ENOX1: variants seen among roughly 807,000 people sequenced by gnomAD.
ENOX1 encodes candidate growth-related and time keeping constitutive hydroquinone (NADH) oxidase.
In ENOX1, 42 loss-of-function variants were observed where a neutral mutation model predicts 82.5. The ratio of observed to expected loss-of-function variants is 0.51; its 90% CI spans 0.40 to 0.66. The LOEUF (loss-of-function observed/expected upper bound fraction) is 0.66, where lower values mean the gene tolerates loss of function less well. ENOX1 is among the 30% of genes least tolerant of loss of function. The pLI, the probability that ENOX1 is intolerant of heterozygous loss-of-function variation, is 0.00. For missense variants in ENOX1, 608 were observed against 811.6 expected (o/e 0.75, Z 3.05); for synonymous variants, 271 against 282.2 (o/e 0.96, Z 0.40).
intron 14 of ENOX1, among the ~76,000 whole-genome samples, chr13:43,261,443 C>T (rs1246906575): frequency 6.6e-6 from 1 of 152,178 alleles, no homozygotes; most frequent in South Asian, 2.1e-4. Flanking sequence ...ATATGAGATG[C>T]AACCAAGATT....
intron 15 of ENOX1, among the ~76,000 whole-genome samples, chr13:43,224,969 G>T (rs1296846116): frequency 1.3e-5 from 2 of 152,318 alleles, no homozygotes; most frequent in Non-Finnish European, 2.9e-5. Context: ...ACTGCTTTTT[G>T]TTAAGAAGTT....
intron 11 of ENOX1, among the ~76,000 whole-genome samples, chr13:43,312,328 G>C (rs756340058): frequency 1.3e-5 from 2 of 152,198 alleles, no homozygotes; most frequent in African/African-American, 4.8e-5. Flanking sequence ...CTCGGGAATA[G>C]AGAAACAGGG....
intron 3 of ENOX1, among the ~76,000 whole-genome samples, chr13:43,432,594 G>A (rs952075531): frequency 2.6e-5 from 4 of 152,156 alleles, no homozygotes; most frequent in Non-Finnish European, 4.4e-5. Flanking sequence ...AGTGAGCTGA[G>A]ATTGTACCAC....
In ENOX1 at chr13:43,566,622, G is replaced by C. The variant is rs187874367; in HGVS notation, c.-218-82470C>G. Among the ~76,000 whole-genome samples the C allele has an allele frequency of 1.2e-3, 184 of 151,316 alleles. 2 individuals carry two copies. In the South Asian group the frequency reaches 0.016, roughly 13 times the overall value. On this transcript the variant is annotated intron_variant, in intron 2 of 16. Transcript: ENST00000690772. ...ATACAGAAGGAACACTGGTTATTTG[G>C]GAGATAATTATTTCTGAAAAAAATA...
chr13:43,491,092 C>A (rs560942006), intron 2 of ENOX1, among the ~76,000 whole-genome samples: 1 of 152,114 alleles, frequency 6.6e-6, no homozygotes, highest in Admixed American at 6.5e-5. Context: ...CTGCTTCTGG[C>A]GCATCCTCAA....
chr13:43,325,786 G>A (rs1252164723), intron 10 of ENOX1, among the ~76,000 whole-genome samples: 1 of 152,064 alleles, frequency 6.6e-6, no homozygotes, highest in African/African-American at 2.4e-5. Context: ...ACAGCTGGAC[G>A]ACCAGTGACT....
chr13:43,521,211 TAATTA>T (rs913984097), intron 2 of ENOX1, among the ~76,000 whole-genome samples: 1 of 152,088 alleles, frequency 6.6e-6, no homozygotes, highest in Admixed American at 6.6e-5. Context: ...AGTAAGAGAA[TAATTA>T]AATTTTATAT....
chr13:43,667,219 T>G (rs2085025484), intron 2 of ENOX1, among the ~76,000 whole-genome samples: 1 of 152,166 alleles, frequency 6.6e-6, no homozygotes, highest in Non-Finnish European at 1.5e-5. Context: ...ATGAAAACTC[T>G]ATAGAAGTTG....
intron 3 of ENOX1, among the ~76,000 whole-genome samples, chr13:43,453,091 T>C (rs2057051929): frequency 6.6e-6 from 1 of 152,220 alleles, no homozygotes; most frequent in Admixed American, 6.5e-5. Flanking sequence ...ACTTCCTTTT[T>C]TATTTTCCTG....
chr13:43,475,794 C>CAAAAAAAAAAAAAAAAAAAAAAAAAA (rs10624980), intron 3 of ENOX1, among the ~76,000 whole-genome samples: 1 of 70,944 alleles, frequency 1.4e-5, no homozygotes, highest in Non-Finnish European at 2.5e-5. Context: ...CATAACTGAC[C>CAAAAAAAAAAAAAAAAAAAAAAAAAA]AAAAAAAAAA....
At chr13:43,659,248 G>C (rs547163245) in intron 2 of ENOX1, among the ~76,000 whole-genome samples, 2 of 151,996 alleles carry the variant, frequency 1.3e-5, no homozygotes, top group Non-Finnish European at 2.9e-5. Context: ...CAGCATTTTG[G>C]GGGGCAGAGG....
chr13:43,745,364 T>C (rs1044633431), intron 1 of ENOX1, among the ~76,000 whole-genome samples: 2 of 152,002 alleles, frequency 1.3e-5, no homozygotes, highest in African/African-American at 2.4e-5. Flanking sequence ...TATAAAATGA[T>C]TAAAACATAA....
At chr13:43,359,181 G>A (rs1164188325) in intron 7 of ENOX1, among the ~76,000 whole-genome samples, 3 of 152,178 alleles carry the variant, frequency 2.0e-5, no homozygotes, top group African/African-American at 7.2e-5. Context: ...GGTGGGGAGT[G>A]TGAGGGAAGG....
intron 2 of ENOX1, among the ~76,000 whole-genome samples, chr13:43,589,977 A>G (rs2081170926): frequency 6.6e-6 from 1 of 152,168 alleles, no homozygotes; most frequent in African/African-American, 2.4e-5. Context: ...TGAGCTCACA[A>G]GCAAACATTA....
At chr13:43,694,300 C>T (rs952311936) in intron 1 of ENOX1, among the ~76,000 whole-genome samples, 2 of 151,524 alleles carry the variant, frequency 1.3e-5, no homozygotes, top group Non-Finnish European at 2.9e-5. Context: ...TCAGTCTTAA[C>T]AACCCCAAGC....
rs73467482 is a variant in ENOX1, at chr13:43,337,934, A to G, written c.1036+6604T>C. On this transcript the variant is annotated intron_variant, in intron 9 of 16. Coordinates refer to ENST00000690772, the MANE Select transcript of ENOX1 (RefSeq NM_001347969.2). ...AGATCCCTCTTAGCTCTAACATTCT[A>G]TAATTTCTGCTTTTTATCCATGCTC... Among the ~76,000 whole-genome samples the G allele has an allele frequency of 5.3e-3, 800 of 152,270 alleles. 4 individuals are homozygous for G. Among genetic ancestry groups the G allele is most frequent in the African/African-American group, 0.018 (751 of 41,534 alleles).
intron 1 of ENOX1, among the ~76,000 whole-genome samples, chr13:43,751,752 T>C (rs1950335006): frequency 1.3e-5 from 2 of 152,210 alleles, no homozygotes; most frequent in Non-Finnish European, 2.9e-5. Flanking sequence ...ATGGATAGGC[T>C]ATACTATAAT....
At chr13:43,420,988 T>G (rs771010492) in intron 3 of ENOX1, among the ~76,000 whole-genome samples, 5 of 152,168 alleles carry the variant, frequency 3.3e-5, no homozygotes, top group Non-Finnish European at 5.9e-5. Flanking sequence ...AGGAATAGAT[T>G]TAGATTAGGC....
At chr13:43,390,189 CAATT>C (rs1259174615) in intron 5 of ENOX1, among the ~76,000 whole-genome samples, 2 of 152,060 alleles carry the variant, frequency 1.3e-5, no homozygotes, top group African/African-American at 4.8e-5. Flanking sequence ...TCACAATAAT[CAATT>C]AATTAGCTAA....
Sources: allele counts gnomAD v4.1 joint callset (sites outside exome capture counted in the v4.1 genomes callset), GRCh38; gene constraint gnomAD v4.1.1; transcripts MANE v1.5; gene names NCBI Gene and HGNC (gene_info 2026-07-23, HGNC 2026-07-21).